The following METTL15 variants were observed in gnomAD, a reference collection of about 807,000 sequenced individuals.
METTL15 encodes 12S rRNA N(4)-cytidine methyltransferase METTL15.
Under a neutral mutation model 38.3 loss-of-function variants are expected in METTL15, and 34 were observed. The ratio of observed to expected loss-of-function variants is 0.89; its 90% CI spans 0.68 to 1.18. The LOEUF is 1.18. Among genes scored for constraint, METTL15 ranks in the 50% most tolerant of loss-of-function variants. METTL15 has a pLI of 0.00. For missense variants in METTL15, 438 were observed against 498.4 expected (o/e 0.88, Z 1.15); for synonymous variants, 162 against 170.9 (o/e 0.95, Z 0.41).
intron 6 of METTL15, among the ~76,000 whole-genome samples, chr11:28,517,947 TA>T (rs1480465548): frequency 6.6e-6 from 1 of 152,220 alleles, no homozygotes; most frequent in African/African-American, 2.4e-5. Context: ...AAACAATCTT[TA>T]CTTAACCCAC....
intron 4 of METTL15, among the ~76,000 whole-genome samples, chr11:28,244,443 G>A (rs1854430094): frequency 6.6e-6 from 1 of 151,932 alleles, no homozygotes; most frequent in Non-Finnish European, 1.5e-5. Flanking sequence ...ATAAGATTGG[G>A]TTTTTTTGTT....
At chr11:28,439,875 C>T (rs181153349) in intron 6 of METTL15, among the ~76,000 whole-genome samples, 2 of 152,318 alleles carry the variant, frequency 1.3e-5, no homozygotes, top group East Asian at 3.9e-4. Flanking sequence ...AGGTTCATTG[C>T]TCACCTGTGG....
intron 6 of METTL15, among the ~76,000 whole-genome samples, chr11:28,424,953 A>G (rs1850851701): frequency 1.3e-5 from 2 of 152,274 alleles, no homozygotes; most frequent in East Asian, 3.9e-4. Flanking sequence ...ACTTGTTGAA[A>G]CTATAGCAAG....
At chr11:28,140,096 C>T (rs186612947) in intron 3 of METTL15, among the ~76,000 whole-genome samples, 74 of 152,310 alleles carry the variant, frequency 4.9e-4, no homozygotes, top group Non-Finnish European at 8.1e-4. Context: ...TGGGTGCCTC[C>T]GCTTGCCTTT....
At chr11:28,195,371 G>A (rs770314918) in intron 3 of METTL15, among the ~76,000 whole-genome samples, 5 of 151,926 alleles carry the variant, frequency 3.3e-5, no homozygotes, top group Non-Finnish European at 5.9e-5. Context: ...ATTCACACTA[G>A]CATCTATTGT....
intron 3 of METTL15, among the ~76,000 whole-genome samples, chr11:28,127,623 C>T (rs776064652): frequency 3.0e-4 from 46 of 152,178 alleles, no homozygotes; most frequent in Admixed American, 2.9e-3. Flanking sequence ...CCACTGTATA[C>T]ACATTATTTT....
intron 4 of METTL15, among the ~76,000 whole-genome samples, chr11:28,360,639 G>A (rs1035209576): frequency 6.6e-5 from 10 of 152,092 alleles, no homozygotes; most frequent in Admixed American, 6.5e-4. Flanking sequence ...GTGCTTTCAC[G>A]ATGTGTAAAG....
chr11:28,161,004 C>T (rs1420012116), intron 3 of METTL15, among the ~76,000 whole-genome samples: 1 of 151,032 alleles, frequency 6.6e-6, no homozygotes, highest in Non-Finnish European at 1.5e-5. Context: ...AATATACTAG[C>T]TGTAATTGAA....
rs530148333 is a variant in METTL15 at position 28,120,416 on chromosome 11, A to G, written c.270+6812A>G. Among the ~76,000 whole-genome samples, 299 of 152,268 alleles carry G rather than the reference A, an allele frequency of 2.0e-3. 1 individual carries two copies. The highest frequency in any genetic ancestry group is 5.9e-3 in the African/African-American group (247 of 41,548). On this transcript the variant is annotated intron_variant, in intron 3 of 6. Transcript: ENST00000407364. ...GTTTGGAGAATGTTCTAAAAAATGT[A>G]GCACATTAAGTGGCCTTTGTATTAA... is the stretch of plus-strand genomic sequence containing the variant.
intron 6 of METTL15, among the ~76,000 whole-genome samples, chr11:28,325,061 T>A (rs1294780022): frequency 5.3e-5 from 8 of 152,152 alleles, no homozygotes; most frequent in Admixed American, 5.2e-4. Context: ...CCAAGCTTTG[T>A]CCTGGCTCCC....
At chr11:28,199,858 C>G (rs1590145899) in intron 3 of METTL15, among the ~76,000 whole-genome samples, 1 of 151,632 alleles carries the variant, frequency 6.6e-6, no homozygotes, top group South Asian at 2.1e-4. Flanking sequence ...TTCTGCTGCC[C>G]CAGCCTCCCA....
chr11:28,209,540 G>A (rs1459382393), intron 3 of METTL15, among the ~76,000 whole-genome samples: 2 of 152,020 alleles, frequency 1.3e-5, no homozygotes, highest in Non-Finnish European at 2.9e-5. Context: ...GAAGTACAAA[G>A]TTAAGTCACA....
intron 6 of METTL15, among the ~76,000 whole-genome samples, chr11:28,488,274 G>A (rs1195235969): frequency 6.6e-6 from 1 of 152,064 alleles, no homozygotes; most frequent in Non-Finnish European, 1.5e-5. Flanking sequence ...CACTTCATGA[G>A]CTAACTTACA....
At chr11:28,436,897 G>A (rs1850987085) in intron 6 of METTL15, among the ~76,000 whole-genome samples, 1 of 152,174 alleles carries the variant, frequency 6.6e-6, no homozygotes. Context: ...TGGACTGGGA[G>A]AGGCAGACCC....
chr11:28,138,405 T>G (rs1354996524), intron 3 of METTL15, among the ~76,000 whole-genome samples: 1 of 152,194 alleles, frequency 6.6e-6, no homozygotes, highest in Non-Finnish European at 1.5e-5. Context: ...TTACCCTACT[T>G]TAGCCATGCC....
intron 5 of METTL15, among the ~76,000 whole-genome samples, chr11:28,375,503 G>A (rs1364502859): frequency 6.6e-6 from 1 of 151,688 alleles, no homozygotes; most frequent in Non-Finnish European, 1.5e-5. Flanking sequence ...CTGTGGGATC[G>A]GTGGTAATAT....
intron 4 of METTL15, among the ~76,000 whole-genome samples, chr11:28,233,286 A>C (rs935130835): frequency 3.9e-5 from 6 of 152,134 alleles, no homozygotes; most frequent in African/African-American, 1.4e-4. Context: ...AGCTTTGTGT[A>C]GTAATCCTAG....
intron 3 of METTL15, among the ~76,000 whole-genome samples, chr11:28,198,792 A>G (rs1035116084): frequency 6.6e-6 from 1 of 152,080 alleles, no homozygotes; most frequent in African/African-American, 2.4e-5. Context: ...TACATGTTCT[A>G]ATTTATTTCA....
At chr11:28,262,410 T>C (rs1276507752) in intron 4 of METTL15, among the ~76,000 whole-genome samples, 1 of 151,198 alleles carries the variant, frequency 6.6e-6, no homozygotes, top group Non-Finnish European at 1.5e-5. Flanking sequence ...ATTATATATA[T>C]GCTATATACA....
Sources: gnomAD v4.1 joint callset for allele counts (sites outside exome capture counted in the v4.1 genomes callset) on GRCh38, gnomAD v4.1.1 for gene constraint, MANE v1.5 for transcripts, NCBI Gene and HGNC (gene_info 2026-07-23, HGNC 2026-07-21) for gene names.